The following DNAH8 variants were observed in gnomAD, a reference collection of about 807,000 sequenced individuals.
The protein encoded by DNAH8 is dynein axonemal heavy chain 8, also known as axonemal beta dynein heavy chain 8.
In DNAH8, 382 loss-of-function variants were observed where a neutral mutation model predicts 562.1. The ratio of observed to expected loss-of-function variants is 0.68; its 90% CI spans 0.63 to 0.74. DNAH8 has a LOEUF of 0.74. Among genes scored for constraint, DNAH8 ranks in the 30% least tolerant of loss-of-function variants. The pLI, the probability that DNAH8 is intolerant of heterozygous loss-of-function variation, is 0.00. For missense variants in DNAH8, 5,203 were observed against 5,620.4 expected (o/e 0.93, Z 2.37); for synonymous variants, 1,881 against 1,919.4 (o/e 0.98, Z 0.52).
chr6:38,925,339 ATTTTATTTTT>A (rs1782035779), intron 73 of DNAH8, among the ~76,000 whole-genome samples: 1 of 68,372 alleles, frequency 1.5e-5, no homozygotes, highest in African/African-American at 5.2e-5. Context: ...ATTTTATTTT[ATTTTATTTTT>A]TTTAGAGACA....
chr6:38,887,591 T>G (rs944199422), intron 57 of DNAH8, among the ~76,000 whole-genome samples: 2 of 152,016 alleles, frequency 1.3e-5, no homozygotes, highest in African/African-American at 2.4e-5. Flanking sequence ...TCTGTAGTCC[T>G]AGCTGCGTGG....
intron 43 of DNAH8, 89 bp downstream of exon 43, chr6:38,860,718 A>G: frequency 9.9e-7 from 1 of 1,014,576 alleles, no homozygotes; most frequent in East Asian, 3.1e-5. Context: ...TAACAAAAGC[A>G]GATTTCTGTC....
chr6:39,028,845 T>A (rs1200367914), intron 92 of DNAH8, among the ~76,000 whole-genome samples: 1 of 152,244 alleles, frequency 6.6e-6, no homozygotes, highest in Non-Finnish European at 1.5e-5. Flanking sequence ...GGTTTTACTG[T>A]CAAATCATGT....
chr6:38,892,890 G>A (rs1040759352), intron 58 of DNAH8, among the ~76,000 whole-genome samples: 1 of 151,990 alleles, frequency 6.6e-6, no homozygotes, highest in Non-Finnish European at 1.5e-5. Context: ...GCCACCATAC[G>A]TTGGCTCATT....
intron 5 of DNAH8, 115 bp downstream of exon 5, chr6:38,734,740 G>T: frequency 3.6e-6 from 4 of 1,113,524 alleles, no homozygotes; most frequent in South Asian, 1.8e-5. Context: ...TGAGTTCCAA[G>T]AAAATAAATG....
chr6:38,911,844 GTCACT>G (rs1442507459), intron 66 of DNAH8, among the ~76,000 whole-genome samples: 1 of 152,180 alleles, frequency 6.6e-6, no homozygotes, highest in African/African-American at 2.4e-5. Context: ...CCTGTGCTGA[GTCACT>G]GAGCCATTGC....
Position 38,761,716 on chromosome 6 carries a change from G to A in DNAH8, c.1530G>A (p.Met510Ile), listed in dbSNP as rs1390694893. 1 of 1,525,246 alleles carries A rather than the reference G, an allele frequency of 6.6e-7. No homozygotes were observed. The highest frequency in any genetic ancestry group is 1.7e-4 in the Middle Eastern group (1 of 5,718). 94.5% of individuals were successfully genotyped at this position (1,525,246 alleles called of 1,614,324 possible). ...ATTTATTTCAGGTAACAAATCAAAT[G>A]GTAACAGCATGTAAAGCATATATTA... The part of the protein sequence containing the change: ...TSLFIKVTNQ[M>I]VTACKAYITD... Residue 510 changes from methionine to isoleucine, a missense_variant, in exon 11 of 93, where the codon ATG (methionine) becomes ATA (isoleucine). Physicochemically the swap from Met to Ile is conservative, Grantham distance 10. Transcript: ENST00000327475.
intron 80 of DNAH8, among the ~76,000 whole-genome samples, chr6:38,948,786 T>G (rs1486473998): frequency 6.6e-6 from 1 of 152,238 alleles, no homozygotes; most frequent in Non-Finnish European, 1.5e-5. Context: ...TCTGAAAACC[T>G]GAAGTCCTTT....
intron 92 of DNAH8, among the ~76,000 whole-genome samples, chr6:39,029,754 C>G (rs1365250714): frequency 6.6e-6 from 1 of 152,156 alleles, no homozygotes; most frequent in Admixed American, 6.5e-5. Context: ...AGATCCTGTT[C>G]CATGCTCCCA....
chr6:38,807,996 G>A (rs1771449953), intron 24 of DNAH8, among the ~76,000 whole-genome samples: 1 of 150,104 alleles, frequency 6.7e-6, no homozygotes, highest in Admixed American at 6.7e-5. Flanking sequence ...GTTTATCATT[G>A]TCTTGGTTTT....
At chr6:38,963,088 C>A (rs1402766924) in intron 82 of DNAH8, among the ~76,000 whole-genome samples, 4 of 151,960 alleles carry the variant, frequency 2.6e-5, no homozygotes, top group Non-Finnish European at 5.9e-5. Flanking sequence ...CTTATTCATG[C>A]AACCAAACAC....
Position 38,896,100 on chromosome 6 carries a change from G to C in DNAH8, c.8815G>C (p.Gly2939Arg), listed in dbSNP as rs779645893. The change falls in exon 60 of 93, where the codon GGC becomes CGC. Residue 2939 changes from glycine (G) to arginine (R), a missense_variant. Coordinates refer to ENST00000327475, the MANE Select transcript of DNAH8 (RefSeq NM_001206927.2). Reference sequence around the variant, plus strand: ...TACTCGTGCAGTTGAAGAAAATATTGGCTCTGATGCAGCGTCGTGTATTCT... The same window carrying C: ...TACTCGTGCAGTTGAAGAAAATATTCGCTCTGATGCAGCGTCGTGTATTCT... ...HLTRAVEENI[G>R]SDAASCILPE... 2.5e-6 allele frequency: 4 copies of C among 1,613,954 alleles called. No individual in the cohort carries two copies. The East Asian group carries it at 8.9e-5, about 36-fold the overall frequency.
intron 8 of DNAH8, among the ~76,000 whole-genome samples, chr6:38,749,535 TAAAAA>T (rs562568389): frequency 8.3e-6 from 1 of 120,450 alleles, no homozygotes. Flanking sequence ...GAACTTAAAG[TAAAAA>T]AAAAAAAAAA....
At chr6:38,962,484 G>A (rs948487464) in intron 82 of DNAH8, among the ~76,000 whole-genome samples, 7 of 152,130 alleles carry the variant, frequency 4.6e-5, no homozygotes, top group African/African-American at 1.7e-4. Context: ...ACTCTTGTAT[G>A]TACAATAGCT....
chr6:38,931,878 C>G lies in DNAH8; in HGVS notation c.11342C>G (p.Pro3781Arg), dbSNP rs765589828. 6.2e-7 allele frequency: 1 copy of G among 1,610,150 alleles called. No individual in the cohort carries two copies. Among genetic ancestry groups the G allele is most frequent in the Non-Finnish European group, 8.5e-7 (1 of 1,178,254 alleles). ...TFKLYITTKL[P>R]NPAFTPEINA... ...AAACTTTACATTACTACGAAGTTACCAAATCCTGCCTTTACCCCAGAGATT... is the reference window on the plus strand; with the variant it reads ...AAACTTTACATTACTACGAAGTTACGAAATCCTGCCTTTACCCCAGAGATT... Residue 3781 changes from proline to arginine, a missense_variant, in exon 76 of 93, where the codon CCA becomes CGA. Physicochemically the swap from Pro to Arg is moderately radical, Grantham distance 103. Transcript: ENST00000327475.
Position 38,951,504 on chromosome 6 carries a change from C to G in DNAH8, c.12435C>G (p.Ala4145=). The G allele has an allele frequency of 6.2e-7, 1 of 1,613,726 alleles. No homozygotes were observed. Among genetic ancestry groups the G allele is most frequent in the Non-Finnish European group, 8.5e-7 (1 of 1,179,822 alleles). The change falls in exon 82 of 93, where the codon GCC becomes GCG. Residue 4145 remains alanine, a synonymous_variant. Transcript: ENST00000327475. ...SDPTNQIDAL[A]KKLKLECRTI... ...CCACCAATCAAATTGATGCATTGGC[C>G]AAGAAACTGAAACTGGGTAAGACTA...
rs1435817447 is a variant in DNAH8, at chr6:38,931,794, T to G, written c.11275-17T>G. The G allele has an allele frequency of 2.0e-6, 3 of 1,508,846 alleles. No individual in the cohort carries two copies. Among genetic ancestry groups the G allele is most frequent in the African/African-American group, 2.8e-5 (2 of 70,534 alleles). The allele number at this position is 1,508,846 out of a possible 1,614,324, so 93.5% of individuals were successfully genotyped here. A position where few individuals can be genotyped will look rare whatever the true frequency, so the allele number is the denominator to read the frequency against. The stretch of plus-strand genomic sequence containing the variant: ...GCCCTTTAAGCTGTTTTTAATTTTA[T>G]ATGTGAATTTATGTAGGTGAAAGTC... On this transcript the variant is annotated splice_polypyrimidine_tract_variant and intron_variant, in intron 75 of 92. Coordinates refer to ENST00000327475, the MANE Select transcript of DNAH8 (RefSeq NM_001206927.2).
chr6:38,787,096 A>G (rs1458158600), intron 18 of DNAH8, 144 bp downstream of exon 18: 2 of 414,856 alleles, frequency 4.8e-6, no homozygotes, highest in Non-Finnish European at 8.0e-6. Context: ...TAGAATTAAA[A>G]TACTGACTTG....
In DNAH8 at chr6:38,908,056, A is replaced by G. The variant is rs1182848656; in HGVS notation, c.9449A>G (p.Asn3150Ser). 1.2e-6 allele frequency: 2 copies of G among 1,611,354 alleles called. No individual in the cohort carries two copies. Among genetic ancestry groups the G allele is most frequent in the Admixed American group, 3.3e-5 (2 of 59,778 alleles). Residue 3150 changes from asparagine (N) to serine (S), a missense_variant, in exon 64 of 93, where the codon AAT becomes AGT. Coordinates refer to ENST00000327475, the MANE Select transcript of DNAH8 (RefSeq NM_001206927.2). ...ELPRHPPTFD[N>S]LYEYFISRSR... Reference sequence around the variant, plus strand: ...CCTCGCCATCCTCCTACCTTTGATAATTTGTATGAATACTTCATTTCAAGA... The same window carrying G: ...CCTCGCCATCCTCCTACCTTTGATAGTTTGTATGAATACTTCATTTCAAGA...
Sources: gnomAD v4.1 joint callset for allele counts (sites outside exome capture counted in the v4.1 genomes callset) on GRCh38, gnomAD v4.1.1 for gene constraint, MANE v1.5 for transcripts, NCBI Gene and HGNC (gene_info 2026-07-23, HGNC 2026-07-21) for gene names.